SNAP29: variants seen among roughly 807,000 people sequenced by gnomAD.
SNAP29 encodes the protein synaptosome associated protein 29.
SNAP29 carries 13 observed loss-of-function variants against 27.9 expected under a neutral mutation model. The ratio of observed to expected loss-of-function variants is 0.47; its 90% CI spans 0.30 to 0.74. SNAP29 has a LOEUF of 0.74. Ranked by LOEUF, SNAP29 falls within the 30% of genes least tolerant of loss-of-function variation. The probability of loss-of-function intolerance (pLI) is 0.06; values close to 1 mark genes in which losing one functional copy is unlikely to be tolerated. For synonymous variants in SNAP29, 119 were observed against 127.1 expected (o/e 0.94, Z 0.43); for missense variants, 368 against 336.5 (o/e 1.09, Z -0.73).
intron 1 of SNAP29, among the ~76,000 whole-genome samples, chr22:20,865,494 A>G (rs1053237383): frequency 1.3e-5 from 2 of 152,166 alleles, no homozygotes; most frequent in African/African-American, 4.8e-5. Flanking sequence ...CAGCTGCCAC[A>G]TTGTCCCAAG....
chr22:20,862,382 G>A (rs945146844), intron 1 of SNAP29, among the ~76,000 whole-genome samples: 2 of 152,216 alleles, frequency 1.3e-5, no homozygotes, highest in African/African-American at 4.8e-5. Flanking sequence ...GAGTGAGAAT[G>A]AGGGATGTTC....
At chr22:20,887,074 A>C (rs954953468) in intron 4 of SNAP29, among the ~76,000 whole-genome samples, 1 of 152,026 alleles carries the variant, frequency 6.6e-6, no homozygotes, top group South Asian at 2.1e-4. Flanking sequence ...ATACAAAAAA[A>C]ATTAGTCGGG....
chr22:20,879,104 G>A (rs888024579), intron 2 of SNAP29, among the ~76,000 whole-genome samples: 1 of 152,190 alleles, frequency 6.6e-6, no homozygotes, highest in East Asian at 1.9e-4. Flanking sequence ...TCAGGAGATC[G>A]AGACCATTCC....
intron 2 of SNAP29, among the ~76,000 whole-genome samples, chr22:20,875,056 C>T (rs1030727406): frequency 1.3e-5 from 2 of 152,070 alleles, no homozygotes; most frequent in South Asian, 2.1e-4. Context: ...CATCCCTGAA[C>T]ATAGCTATGA....
chr22:20,872,894 A>G (rs1325380941), intron 2 of SNAP29, among the ~76,000 whole-genome samples: 1 of 124,188 alleles, frequency 8.1e-6, no homozygotes, highest in Non-Finnish European at 1.6e-5. Context: ...CAGTGGCACC[A>G]TCTCAGCTCA....
At chr22:20,881,215 G>A (rs939408821) in intron 3 of SNAP29, 81 bp downstream of exon 3, 80 of 969,134 alleles carry the variant, frequency 8.3e-5, no homozygotes, top group Non-Finnish European at 1.2e-4. Context: ...TTGGGGGGCA[G>A]TGGCAACCTC....
rs9625042 is a variant in SNAP29 at position 20,890,631 on chromosome 22, C to T, written c.*2795C>T. On this transcript the variant is annotated 3_prime_UTR_variant, in exon 5 of 5. Transcript: ENST00000215730. ...AAAATTAGCTGGGCGTGGTGGTGGG[C>T]GCCTGTAGTCCCAGCTACTCAGGAG... The T allele has an allele frequency of 0.022, 4,851 of 221,506 alleles. 245 individuals carry two copies. The highest frequency in any genetic ancestry group is 0.1 in the African/African-American group (4,412 of 43,252). 13.7% of individuals were successfully genotyped at this position (221,506 alleles called of 1,614,324 possible). A position where few individuals can be genotyped will look rare whatever the true frequency, so the allele number is the denominator to read the frequency against.
intron 2 of SNAP29, among the ~76,000 whole-genome samples, chr22:20,871,760 T>TA (rs1928597866): frequency 6.6e-6 from 1 of 152,116 alleles, no homozygotes; most frequent in South Asian, 2.1e-4. Context: ...CGGGCGCCCG[T>TA]AGTCCCAGCT....
chr22:20,884,936 C>G (rs866273050), intron 4 of SNAP29, among the ~76,000 whole-genome samples: 1 of 152,134 alleles, frequency 6.6e-6, no homozygotes, highest in Non-Finnish European at 1.5e-5. Flanking sequence ...CCACCATGCT[C>G]AGCTAATTTT....
chr22:20,881,258 G>T, intron 3 of SNAP29, 124 bp downstream of exon 3: 1 of 725,796 alleles, frequency 1.4e-6, no homozygotes, highest in Non-Finnish European at 2.5e-6. Context: ...CCAGCTGCTG[G>T]CATCACCCAT....
At chr22:20,883,443 C>G in intron 3 of SNAP29, 28 bp from the exon 4 acceptor site, 1 of 1,391,964 alleles carries the variant, frequency 7.2e-7, no homozygotes, top group Non-Finnish European at 1.0e-6. Flanking sequence ...CAATTAACCG[C>G]TCTCCTGGTG....
chr22:20,871,597 T>A (rs1928593099), intron 2 of SNAP29, among the ~76,000 whole-genome samples: 1 of 151,736 alleles, frequency 6.6e-6, no homozygotes, highest in Non-Finnish European at 1.5e-5. Flanking sequence ...TACATGAGAC[T>A]GGGGGCCAGG....
chr22:20,866,864 C>T (rs1345179185), intron 1 of SNAP29, among the ~76,000 whole-genome samples: 3 of 152,156 alleles, frequency 2.0e-5, no homozygotes, highest in Non-Finnish European at 4.4e-5. Flanking sequence ...CCTCTCTGAC[C>T]CCCACCTTAA....
intron 1 of SNAP29, among the ~76,000 whole-genome samples, chr22:20,865,090 C>G (rs1446680565): frequency 6.6e-6 from 1 of 152,142 alleles, no homozygotes; most frequent in Non-Finnish European, 1.5e-5. Flanking sequence ...TGTGGTGGCT[C>G]ACACCTGTAA....
In SNAP29 at chr22:20,859,021, C is replaced by A. The variant is rs986819881; in HGVS notation, c.-90C>A. 2.2e-5 allele frequency: 31 copies of A among 1,385,348 alleles called. No homozygotes were observed. Among genetic ancestry groups the A allele is most frequent in the Non-Finnish European group, 3.0e-5 (30 of 1,014,168 alleles). The allele number at this position is 1,385,348 out of a possible 1,614,324, so 85.8% of individuals were successfully genotyped here. On this transcript the variant is annotated 5_prime_UTR_variant, in exon 1 of 5. Transcript: ENST00000215730. ...GCGCGGAAGGAGTTCGCGCGACGAC[C>A]GCGGGGTCGGCGGGCGGGGCGAGGC...
At chr22:20,867,599 T>C (rs1287186901) in intron 1 of SNAP29, among the ~76,000 whole-genome samples, 1 of 152,152 alleles carries the variant, frequency 6.6e-6, no homozygotes, top group Non-Finnish European at 1.5e-5. Context: ...TGACCTCTGG[T>C]GAACACTAGC....
At position 20,887,878 on chromosome 22, in the gene SNAP29, A is replaced by C; in HGVS notation, c.*42A>C. ...ACTCTATTGTGATGAAAAGATTTGAAAGATCTTTTTTTGAACTTCCAAGAA... is the reference window on the plus strand; with the variant it reads ...ACTCTATTGTGATGAAAAGATTTGACAGATCTTTTTTTGAACTTCCAAGAA... On this transcript the variant is annotated 3_prime_UTR_variant, in exon 5 of 5. Coordinates refer to ENST00000215730, the MANE Select transcript of SNAP29 (RefSeq NM_004782.4). 1.3e-6 allele frequency: 2 copies of C among 1,586,248 alleles called. No individual in the cohort carries two copies. Among genetic ancestry groups the C allele is most frequent in the Non-Finnish European group, 1.7e-6 (2 of 1,155,356 alleles).
At chr22:20,887,631 T>C in intron 4 of SNAP29, 48 bp from the exon 5 acceptor site, 1 of 1,608,914 alleles carries the variant, frequency 6.2e-7, no homozygotes, top group East Asian at 2.2e-5. Context: ...CATTTGCAGG[T>C]GCCGTGACTG....
intron 1 of SNAP29, among the ~76,000 whole-genome samples, chr22:20,861,084 G>T (rs1419540245): frequency 6.9e-6 from 1 of 145,556 alleles, no homozygotes; most frequent in Non-Finnish European, 1.5e-5. Flanking sequence ...ACCTCTCTCT[G>T]TTCATGTATC....
Sources: gnomAD v4.1 joint callset for allele counts (sites outside exome capture counted in the v4.1 genomes callset) on GRCh38, gnomAD v4.1.1 for gene constraint, MANE v1.5 for transcripts, NCBI Gene and HGNC (gene_info 2026-07-23, HGNC 2026-07-21) for gene names.